The following TTK variants were observed in gnomAD, a reference collection of about 807,000 sequenced individuals.
TTK encodes the protein TTK protein kinase, also known as dual specificity protein kinase TTK.
A neutral mutation model predicts 117.3 loss-of-function variants in TTK; 59 were observed. The observed-to-expected ratio is 0.50, with a 90% CI of 0.41 to 0.62. TTK has a LOEUF of 0.62. TTK is among the 20% of genes least tolerant of loss of function. The pLI is 0.00. For synonymous variants in TTK, 302 were observed against 325.0 expected (o/e 0.93, Z 0.76); for missense variants, 921 against 989.4 (o/e 0.93, Z 0.93).
intron 20 of TTK, 90 bp from the exon 21 acceptor site, chr6:80,040,516 T>A: frequency 8.8e-7 from 1 of 1,136,210 alleles, no homozygotes; most frequent in Non-Finnish European, 1.3e-6. Context: ...ATTATAAGAA[T>A]ATCACTTTGT....
intron 14 of TTK, among the ~76,000 whole-genome samples, chr6:80,032,342 T>TA (rs1466897371): frequency 2.0e-5 from 3 of 152,312 alleles, no homozygotes; most frequent in Non-Finnish European, 4.4e-5. Flanking sequence ...TTCTTCGTGT[T>TA]ACTGATCTCA....
In TTK at chr6:80,042,277, A is replaced by G. The variant is rs1194611601; in HGVS notation, c.*75A>G. 1 of 1,204,258 alleles carries G rather than the reference A, an allele frequency of 8.3e-7. No individual in the cohort carries two copies. Among genetic ancestry groups the G allele is most frequent in the African/African-American group, 1.5e-5 (1 of 65,792 alleles). 74.6% of individuals were successfully genotyped at this position (1,204,258 alleles called of 1,614,324 possible). A position where few individuals can be genotyped will look rare whatever the true frequency, so the allele number is the denominator to read the frequency against. On this transcript the variant is annotated 3_prime_UTR_variant, in exon 22 of 22. Transcript: ENST00000369798. ...GTTATACTCTTGAATCCCTGTGGAA[A>G]TCTACATTTGAAGACAACATCACTC... is the stretch of plus-strand genomic sequence containing the variant.
At chr6:80,028,692 G>A (rs975215838) in intron 13 of TTK, among the ~76,000 whole-genome samples, 3 of 152,052 alleles carry the variant, frequency 2.0e-5, no homozygotes, top group African/African-American at 7.2e-5. Flanking sequence ...CAATTCATTT[G>A]GAAATGTAAA....
Position 80,011,536 on chromosome 6 carries a change from G to C in TTK, c.716G>C (p.Arg239Thr), listed in dbSNP as rs1259095781. ...TCCAGAGGACAGACTACTAAAGCCAGGTTTTTATATGGGTAAGGAAACGGA... is the reference window on the plus strand; with the variant it reads ...TCCAGAGGACAGACTACTAAAGCCACGTTTTTATATGGGTAAGGAAACGGA... ...CDSRGQTTKA[R>T]FLYGENMPPQ... is the part of the protein sequence containing the mutation. The change falls in exon 6 of 22, where the codon AGG becomes ACG. Residue 239 changes from arginine (R) to threonine (T), a missense_variant. Arg to Thr is a moderately conservative substitution (Grantham distance 71). Coordinates refer to ENST00000369798, the MANE Select transcript of TTK (RefSeq NM_003318.5). 2 of 1,601,618 alleles carry C rather than the reference G, an allele frequency of 1.2e-6. No homozygotes were observed. Among genetic ancestry groups the C allele is most frequent in the East Asian group, 2.2e-5 (1 of 44,726 alleles).
At chr6:80,032,743 C>T (rs1767792498) in intron 14 of TTK, among the ~76,000 whole-genome samples, 1 of 152,130 alleles carries the variant, frequency 6.6e-6, no homozygotes, top group African/African-American at 2.4e-5. Flanking sequence ...ACATCTCCAG[C>T]ATTATTATTT....
chr6:80,039,910 A>C, intron 19 of TTK, 38 bp downstream of exon 19: 2 of 1,393,722 alleles, frequency 1.4e-6, no homozygotes. Flanking sequence ...TTTACTTAAA[A>C]GAAATAGTTG....
chr6:80,033,828 A>C (rs1482311215), intron 14 of TTK, among the ~76,000 whole-genome samples: 1 of 152,180 alleles, frequency 6.6e-6, no homozygotes, highest in Non-Finnish European at 1.5e-5. Flanking sequence ...ATCTATTTGA[A>C]TTACCTAATT....
At chr6:80,012,294 T>G (rs908308717) in intron 8 of TTK, among the ~76,000 whole-genome samples, 20 of 152,132 alleles carry the variant, frequency 1.3e-4, no homozygotes, top group African/African-American at 4.8e-4. Flanking sequence ...TCTCTTCCTG[T>G]TTTGTTTGAG....
chr6:80,006,121 T>G (rs240226), intron 2 of TTK, 139 bp downstream of exon 2: 699,280 of 1,173,692 alleles, frequency 0.6, 210,961 homozygotes, highest in Admixed American at 0.76. Flanking sequence ...GGCTACATGA[T>G]GGCAGGGTTT....
intron 10 of TTK, among the ~76,000 whole-genome samples, chr6:80,018,538 C>G (rs908822622): frequency 6.7e-6 from 1 of 150,010 alleles, no homozygotes; most frequent in Admixed American, 6.7e-5. Context: ...GCAGGAGAAT[C>G]GCTTGAACCT....
At chr6:80,039,982 T>C (rs1277647118) in intron 19 of TTK, 110 bp downstream of exon 19, 1 of 1,074,278 alleles carries the variant, frequency 9.3e-7, no homozygotes, top group African/African-American at 1.7e-5. Context: ...AATTGCTAAC[T>C]GAATTAGTTT....
chr6:80,038,748 A>G (rs1307069999), intron 18 of TTK, among the ~76,000 whole-genome samples: 1 of 152,088 alleles, frequency 6.6e-6, no homozygotes, highest in East Asian at 1.9e-4. Context: ...GTTTTCATAA[A>G]ATTCTTTTTA....
At chr6:80,020,775 C>T (rs575111308) in intron 10 of TTK, among the ~76,000 whole-genome samples, 1 of 152,110 alleles carries the variant, frequency 6.6e-6, no homozygotes, top group East Asian at 1.9e-4. Context: ...TCTTCCCTAG[C>T]GGGGAGAGGA....
chr6:80,026,939 T>A lies in TTK; in HGVS notation c.1394+425T>A, dbSNP rs139257445. 8.0e-4 allele frequency among the ~76,000 whole-genome samples: 122 copies of A among 152,330 alleles called. 1 individual carries two copies. The highest frequency in any genetic ancestry group is 2.8e-3 in the African/African-American group (117 of 41,586). ...ATAGCTTCTGGAAGAGATTGGTTTTTACAGTTCATGTAGTTCTGGAGGTAT... is the reference window on the plus strand; with the variant it reads ...ATAGCTTCTGGAAGAGATTGGTTTTAACAGTTCATGTAGTTCTGGAGGTAT... On this transcript the variant is annotated intron_variant, in intron 12 of 21. Transcript: ENST00000369798.
chr6:80,040,577 T>C, intron 20 of TTK, 29 bp from the exon 21 acceptor site: 1 of 1,584,060 alleles, frequency 6.3e-7, no homozygotes, highest in Non-Finnish European at 8.6e-7. Context: ...TTCTTACTGG[T>C]ACTAGTGTAT....
intron 9 of TTK, among the ~76,000 whole-genome samples, chr6:80,013,926 C>G (rs901658666): frequency 6.6e-6 from 1 of 151,932 alleles, no homozygotes; most frequent in Non-Finnish European, 1.5e-5. Context: ...TGGGTCTTTT[C>G]AATTTTATGT....
intron 13 of TTK, among the ~76,000 whole-genome samples, chr6:80,029,391 G>A (rs1475374946): frequency 6.6e-6 from 1 of 152,136 alleles, no homozygotes; most frequent in Admixed American, 6.5e-5. Context: ...GATACTAACT[G>A]GAAAGAGGTG....
intron 18 of TTK, among the ~76,000 whole-genome samples, chr6:80,039,062 A>G (rs2181070): frequency 0.29 from 44,413 of 151,984 alleles, 7,940 homozygotes; most frequent in East Asian, 0.63. Flanking sequence ...GGTAATATTA[A>G]TTTCATATAA....
In TTK at chr6:80,013,855, A is replaced by G. The variant is rs555549196; in HGVS notation, c.984+489A>G. Reference sequence around the variant, plus strand: ...AGGAAATAATTTTAGTTCCTGGTACACTGTGATTTTTAGTGGTTATACTAT... The same window carrying G: ...AGGAAATAATTTTAGTTCCTGGTACGCTGTGATTTTTAGTGGTTATACTAT... On this transcript the variant is annotated intron_variant, in intron 9 of 21. Transcript: ENST00000369798. Among the ~76,000 whole-genome samples the G allele has an allele frequency of 6.9e-4, 105 of 151,890 alleles. 1 individual carries two copies. Among genetic ancestry groups the G allele is most frequent in the Non-Finnish European group, 1.1e-3 (72 of 67,982 alleles).
Sources: allele counts gnomAD v4.1 joint callset (sites outside exome capture counted in the v4.1 genomes callset), GRCh38; gene constraint gnomAD v4.1.1; transcripts MANE v1.5; gene names NCBI Gene and HGNC (gene_info 2026-07-23, HGNC 2026-07-21).